The following GOSR2 variants were observed in gnomAD, a reference collection of about 807,000 sequenced individuals.
The protein encoded by GOSR2 is 27 kDa Golgi SNARE protein.
A neutral mutation model predicts 27.9 loss-of-function variants in GOSR2; 20 were observed. The ratio of observed to expected loss-of-function variants is 0.72; its 90% CI spans 0.50 to 1.04. GOSR2 has a LOEUF of 1.04. Among genes scored for constraint, GOSR2 ranks in the 50% least tolerant of loss-of-function variants. The probability of loss-of-function intolerance (pLI) is 0.00; values close to 1 mark genes in which losing one functional copy is unlikely to be tolerated. For missense variants in GOSR2, 261 were observed against 270.5 expected, an observed-to-expected ratio of 0.97 and a Z score of 0.25; for synonymous variants, 91 against 98.8, an observed-to-expected ratio of 0.92 and a Z score of 0.47.
At chr17:46,953,655 G>A (rs1439752435) in intron 6 of GOSR2, among the ~76,000 whole-genome samples, 1 of 152,204 alleles carries the variant, frequency 6.6e-6, no homozygotes, top group Non-Finnish European at 1.5e-5. Context: ...CTAGTTTACA[G>A]TCCCGCCAAC....
At chr17:46,942,816 GTCCTT>G (rs983706346), downstream of GOSR2, among the ~76,000 whole-genome samples, 20 of 152,290 alleles carry the variant, frequency 1.3e-4, no homozygotes, top group African/African-American at 4.8e-4. Flanking sequence ...CATTTTCTGT[GTCCTT>G]TTCATTTCAT....
intron 1 of GOSR2, among the ~76,000 whole-genome samples, chr17:46,925,736 A>C (rs1412558133): frequency 6.6e-6 from 1 of 152,136 alleles, no homozygotes; most frequent in African/African-American, 2.4e-5. Flanking sequence ...GGAACTTTGA[A>C]CCCAGTTTGT....
chr17:46,959,997 G>A (rs1431532375), intron 6 of GOSR2, among the ~76,000 whole-genome samples: 1 of 152,212 alleles, frequency 6.6e-6, no homozygotes, highest in Non-Finnish European at 1.5e-5. Context: ...CAGCAGTAGA[G>A]TCCAGAAACT....
intron 6 of GOSR2, among the ~76,000 whole-genome samples, chr17:46,965,663 C>T (rs1372848764): frequency 3.9e-5 from 6 of 152,168 alleles, no homozygotes; most frequent in African/African-American, 1.4e-4. Flanking sequence ...CACTTTGTCA[C>T]CTAGGCTGGA....
rs564952656 is a variant in GOSR2 at position 46,940,145 on chromosome 17, G to A, written c.*1385G>A. 2 of 1,302,068 alleles carry A rather than the reference G, an allele frequency of 1.5e-6. No individual in the cohort carries two copies. The highest frequency in any genetic ancestry group is 3.3e-5 in the East Asian group (1 of 30,114). 80.7% of individuals were successfully genotyped at this position (1,302,068 alleles called of 1,614,324 possible). Reference sequence around the variant, plus strand: ...CTCTTGTTCCCCTCCCCGCTGCTCTGTAGTCATGTTGGTCCTTTCAGGCAC... The same window carrying A: ...CTCTTGTTCCCCTCCCCGCTGCTCTATAGTCATGTTGGTCCTTTCAGGCAC... On this transcript the variant is annotated 3_prime_UTR_variant, in exon 6 of 6. Transcript: ENST00000640051.
rs1425132950 is a variant in GOSR2 at position 46,938,943 on chromosome 17, G to A, written c.*183G>A. On this transcript the variant is annotated 3_prime_UTR_variant, in exon 6 of 6. Transcript: ENST00000640051. Reference sequence around the variant, plus strand: ...CTGTTTTCTGTGACATCTTGGAGGGGGAGCTAGTGCCACCACCATGCGCGG... The same window carrying A: ...CTGTTTTCTGTGACATCTTGGAGGGAGAGCTAGTGCCACCACCATGCGCGG... The A allele has an allele frequency of 2.0e-6, 3 of 1,494,172 alleles. No individual in the cohort carries two copies. Among genetic ancestry groups the A allele is most frequent in the Admixed American group, 2.0e-5 (1 of 49,440 alleles). 92.6% of individuals were successfully genotyped at this position (1,494,172 alleles called of 1,614,324 possible).
chr17:46,950,480 C>T (rs1347841313), intron 6 of GOSR2, among the ~76,000 whole-genome samples: 1 of 152,190 alleles, frequency 6.6e-6, no homozygotes, highest in African/African-American at 2.4e-5. Context: ...TTTTCCTTCA[C>T]ACTTGTCCCA....
Position 46,939,207 on chromosome 17 carries a change from A to G in GOSR2, c.*447A>G. The G allele has an allele frequency of 1.9e-6, 2 of 1,078,186 alleles. No individual in the cohort carries two copies. Among genetic ancestry groups the G allele is most frequent in the South Asian group, 2.9e-5 (1 of 34,432 alleles). The allele number at this position is 1,078,186 out of a possible 1,614,324, so 66.8% of individuals were successfully genotyped here. A position where few individuals can be genotyped will look rare whatever the true frequency, so the allele number is the denominator to read the frequency against. On this transcript the variant is annotated 3_prime_UTR_variant, in exon 6 of 6. Coordinates refer to ENST00000640051, the MANE Select transcript of GOSR2 (RefSeq NM_004287.5). Reference sequence around the variant, plus strand: ...AAGGAAAGGAAAGAGGCCTTTTCTCACAGCCATTATATTAAATAGTAGGTC... The same window carrying G: ...AAGGAAAGGAAAGAGGCCTTTTCTCGCAGCCATTATATTAAATAGTAGGTC...
intron 1 of GOSR2, among the ~76,000 whole-genome samples, chr17:46,925,355 T>G (rs113760344): frequency 1.1e-3 from 162 of 152,366 alleles, no homozygotes; most frequent in African/African-American, 3.7e-3. Flanking sequence ...TCATTGAATA[T>G]TTATTGAGCA....
intron 6 of GOSR2, among the ~76,000 whole-genome samples, chr17:46,974,717 G>C (rs2091429166): frequency 1.4e-5 from 2 of 139,844 alleles, no homozygotes; most frequent in African/African-American, 5.3e-5. Flanking sequence ...CTGGGGGACA[G>C]AGCAAGACTC....
intron 6 of GOSR2, chr17:46,955,446 A>G (rs796500848): frequency 1.3e-5 from 2 of 152,138 alleles, no homozygotes; most frequent in African/African-American, 4.8e-5. Flanking sequence ...TTTTGCATCA[A>G]TGTTCATCAA....
chr17:46,974,850 T>C (rs1272760356), intron 6 of GOSR2, among the ~76,000 whole-genome samples: 2 of 152,116 alleles, frequency 1.3e-5, no homozygotes, highest in African/African-American at 4.8e-5. Context: ...ATCTGTACAA[T>C]GGGAGGAGCT....
chr17:46,975,762 G>A (rs183090491), downstream of GOSR2, among the ~76,000 whole-genome samples: 66 of 152,238 alleles, frequency 4.3e-4, no homozygotes, highest in African/African-American at 1.4e-3. Context: ...GTACACACGC[G>A]TCTTCACTAT....
chr17:46,924,970 A>G (rs377448228), intron 1 of GOSR2, among the ~76,000 whole-genome samples: 1 of 152,192 alleles, frequency 6.6e-6, no homozygotes, highest in Admixed American at 6.5e-5. Flanking sequence ...CTTTATTTAG[A>G]GAGTCTTAGA....
Position 46,940,552 on chromosome 17 carries a change from C to G in GOSR2, c.*1792C>G. ...GCGACGGCAAGGCTGTCCTGTCCCC[C>G]AGGCACCCAAGGATCCTGCCAGACA... On this transcript the variant is annotated 3_prime_UTR_variant, in exon 6 of 6. Transcript: ENST00000640051. 3.7e-6 allele frequency: 6 copies of G among 1,614,168 alleles called. No individual in the cohort carries two copies. Among genetic ancestry groups the G allele is most frequent in the Non-Finnish European group, 5.1e-6 (6 of 1,180,010 alleles).
intron 6 of GOSR2, among the ~76,000 whole-genome samples, chr17:46,950,058 G>A (rs781262971): frequency 3.3e-5 from 5 of 152,274 alleles, no homozygotes; most frequent in Admixed American, 6.5e-5. Context: ...AAGAGAGGCC[G>A]TGGGGCCTCC....
intron 3 of GOSR2, chr17:46,931,745 C>T: frequency 2.4e-6 from 1 of 415,938 alleles, no homozygotes; most frequent in Non-Finnish European, 4.4e-6. Context: ...CCAGGAGAGC[C>T]ATATAATCCA....
chr17:46,969,338 C>T (rs1161420159), downstream of GOSR2, among the ~76,000 whole-genome samples: 1 of 152,214 alleles, frequency 6.6e-6, no homozygotes, highest in African/African-American at 2.4e-5. Context: ...GGCAGGGAGG[C>T]TGGCTGGTGT....
rs1175270670 is a variant in GOSR2 at position 46,938,968 on chromosome 17, G to A, written c.*208G>A. ...GGAGCTAGTGCCACCACCATGCGCGGTGCTTAGGAAATGAAAGAAGTCCCG... is the reference window on the plus strand; with the variant it reads ...GGAGCTAGTGCCACCACCATGCGCGATGCTTAGGAAATGAAAGAAGTCCCG... On this transcript the variant is annotated 3_prime_UTR_variant, in exon 6 of 6. Transcript: ENST00000640051. 43 of 1,438,756 alleles carry A rather than the reference G, an allele frequency of 3.0e-5. No individual in the cohort carries two copies. The highest frequency in any genetic ancestry group is 3.2e-5 in the Non-Finnish European group (35 of 1,091,422). 89.1% of individuals were successfully genotyped at this position (1,438,756 alleles called of 1,614,324 possible).
Sources: gnomAD v4.1 joint callset for allele counts (sites outside exome capture counted in the v4.1 genomes callset) on GRCh38, gnomAD v4.1.1 for gene constraint, MANE v1.5 for transcripts, NCBI Gene and HGNC (gene_info 2026-07-23, HGNC 2026-07-21) for gene names.